Variants in SNTG2 observed in about 807,000 individuals in gnomAD.
SNTG2 encodes the protein syntrophin gamma 2, also known as gamma-2-syntrophin.
SNTG2 carries 74 observed loss-of-function variants against 70.9 expected under a neutral mutation model. That is an observed-to-expected ratio of 1.04 (90% CI 0.86 to 1.27). The LOEUF (loss-of-function observed/expected upper bound fraction) is 1.27. Among genes scored for constraint, SNTG2 ranks in the 50% most tolerant of loss-of-function variants. The pLI is 0.00. For missense variants in SNTG2, 717 were observed against 690.7 expected (o/e 1.04, Z -0.43); for synonymous variants, 278 against 273.8 (o/e 1.02, Z -0.15).
chr2:1,221,439 CTCTG>C (rs1674812811), intron 9 of SNTG2, among the ~76,000 whole-genome samples: 1 of 149,288 alleles, frequency 6.7e-6, no homozygotes, highest in African/African-American at 2.5e-5. Flanking sequence ...CTCTCTCTGT[CTCTG>C]TCTCTGTCTC....
chr2:1,329,074 A>G (rs1351857415), intron 16 of SNTG2, among the ~76,000 whole-genome samples: 1 of 152,212 alleles, frequency 6.6e-6, no homozygotes, highest in African/African-American at 2.4e-5. Context: ...GCAATTAGCA[A>G]ACATTCCTGG....
chr2:1,072,801 A>C (rs147881979), intron 1 of SNTG2, among the ~76,000 whole-genome samples: 1 of 152,312 alleles, frequency 6.6e-6, no homozygotes, highest in African/African-American at 2.4e-5. Context: ...CACTAAGTAC[A>C]CTAAGTACAT....
chr2:1,137,605 CT>C lies in SNTG2; in HGVS notation c.326-13del. 1 of 1,611,712 alleles carries C rather than the reference CT, an allele frequency of 6.2e-7. No individual in the cohort carries two copies. ...GAGATTTCTCTTAAAACTGTTGCCA[CT>C]TTTGCCACCCTGCAGCTGACCAGAC... On this transcript the variant is annotated splice_polypyrimidine_tract_variant and intron_variant, in intron 4 of 16. Coordinates refer to ENST00000308624, the MANE Select transcript of SNTG2 (RefSeq NM_018968.4).
chr2:969,303 C>T (rs896819461), intron 1 of SNTG2, among the ~76,000 whole-genome samples: 1 of 152,164 alleles, frequency 6.6e-6, no homozygotes, highest in Non-Finnish European at 1.5e-5. Flanking sequence ...AATGTTGTGC[C>T]TCCAGCTTTG....
chr2:992,086 C>A (rs548448624), intron 1 of SNTG2, among the ~76,000 whole-genome samples: 7 of 152,126 alleles, frequency 4.6e-5, no homozygotes, highest in African/African-American at 1.7e-4. Flanking sequence ...GCATGCGAAG[C>A]AGATAATGGA....
intron 8 of SNTG2, among the ~76,000 whole-genome samples, chr2:1,197,549 G>GTGTGTATATA (rs1553353498): frequency 7.2e-6 from 1 of 138,626 alleles, no homozygotes; most frequent in African/African-American, 2.7e-5. Context: ...GTGTGTGTGT[G>GTGTGTATATA]TATATTTGAT....
intron 4 of SNTG2, among the ~76,000 whole-genome samples, chr2:1,127,483 C>A (rs1667772598): frequency 6.6e-6 from 1 of 152,008 alleles, no homozygotes; most frequent in Non-Finnish European, 1.5e-5. Flanking sequence ...TTTTTTATTT[C>A]TGTGAAGAAT....
intron 1 of SNTG2, among the ~76,000 whole-genome samples, chr2:981,577 G>A (rs184501793): frequency 1.1e-4 from 16 of 151,846 alleles, no homozygotes; most frequent in Non-Finnish European, 2.1e-4. Flanking sequence ...ACACACATAC[G>A]TATTCAAGGA....
At chr2:1,104,727 T>C (rs1239869048) in intron 4 of SNTG2, among the ~76,000 whole-genome samples, 2 of 152,220 alleles carry the variant, frequency 1.3e-5, no homozygotes, top group East Asian at 3.9e-4. Flanking sequence ...TGTGAAATCC[T>C]CTCAGCTTAC....
At chr2:951,102 G>T in intron 1 of SNTG2, 34 bp downstream of exon 1, 1 of 1,154,814 alleles carries the variant, frequency 8.7e-7, no homozygotes, top group Non-Finnish European at 1.1e-6. Context: ...CTTCACCTCC[G>T]GCCCCCCTTC....
intron 8 of SNTG2, among the ~76,000 whole-genome samples, chr2:1,191,623 A>T (rs1672599416): frequency 6.6e-6 from 1 of 152,098 alleles, no homozygotes; most frequent in Non-Finnish European, 1.5e-5. Context: ...GTGAAACCCC[A>T]TCTCTAGTAA....
chr2:1,184,343 T>C (rs1006307305), intron 8 of SNTG2, among the ~76,000 whole-genome samples: 1 of 140,644 alleles, frequency 7.1e-6, no homozygotes, highest in Admixed American at 7.6e-5. Context: ...ACTACATAGA[T>C]GAGTGAGCAA....
chr2:1,170,191 G>C (rs72766772), intron 7 of SNTG2, among the ~76,000 whole-genome samples: 8,170 of 152,182 alleles, frequency 0.054, 329 homozygotes, highest in East Asian at 0.21. Context: ...TCAAAGTAGG[G>C]TTTTATTTTT....
intron 1 of SNTG2, among the ~76,000 whole-genome samples, chr2:1,035,718 CT>C (rs1661091685): frequency 6.6e-6 from 1 of 152,134 alleles, no homozygotes; most frequent in Admixed American, 6.5e-5. Context: ...CACGATCCTC[CT>C]TTTGGGGTTC....
intron 7 of SNTG2, among the ~76,000 whole-genome samples, chr2:1,172,747 C>A (rs949105710): frequency 2.0e-5 from 3 of 152,190 alleles, no homozygotes; most frequent in Non-Finnish European, 2.9e-5. Context: ...GAGAACACTG[C>A]AATCACAGAA....
intron 6 of SNTG2, among the ~76,000 whole-genome samples, chr2:1,150,564 A>G (rs1002780835): frequency 3.3e-5 from 5 of 152,124 alleles, no homozygotes; most frequent in African/African-American, 1.2e-4. Context: ...GGTCAGGCCA[A>G]GATGAATGGG....
At chr2:1,119,376 TC>T (rs973780447) in intron 4 of SNTG2, among the ~76,000 whole-genome samples, 3 of 152,140 alleles carry the variant, frequency 2.0e-5, no homozygotes, top group Non-Finnish European at 2.9e-5. Flanking sequence ...GTAGTCAAAT[TC>T]AGCATAGTCC....
At chr2:1,037,956 C>G (rs566036832) in intron 1 of SNTG2, among the ~76,000 whole-genome samples, 1 of 152,102 alleles carries the variant, frequency 6.6e-6, no homozygotes, top group East Asian at 1.9e-4. Context: ...TGGGTATGTA[C>G]TTGGGTGGGC....
At chr2:1,124,356 GCGATCT>G (rs894503588) in intron 4 of SNTG2, among the ~76,000 whole-genome samples, 1 of 150,974 alleles carries the variant, frequency 6.6e-6, no homozygotes, top group Non-Finnish European at 1.5e-5. Flanking sequence ...GTGCAGTGGT[GCGATCT>G]CAGCTCACTA....
Sources: allele counts gnomAD v4.1 joint callset (sites outside exome capture counted in the v4.1 genomes callset), GRCh38; gene constraint gnomAD v4.1.1; transcripts MANE v1.5; gene names NCBI Gene and HGNC (gene_info 2026-07-23, HGNC 2026-07-21).